The following OPCML variants were observed in gnomAD, a reference collection of about 807,000 sequenced individuals.
OPCML encodes opioid binding protein/cell adhesion molecule like.
In OPCML, 13 loss-of-function variants were observed where a neutral mutation model predicts 37.8. That is an observed-to-expected ratio of 0.34 (90% CI 0.22 to 0.55). OPCML has a LOEUF of 0.55. Among genes scored for constraint, OPCML ranks in the 20% least tolerant of loss-of-function variants. The pLI is 0.91. For synonymous variants in OPCML, 176 were observed against 168.8 expected (o/e 1.04, Z -0.33); for missense variants, 341 against 435.6 (o/e 0.78, Z 1.93).
At position 132,940,637 on chromosome 11, in the gene OPCML, G is replaced by A. The variant is rs1326782513; in HGVS notation, c.146+2289C>T. Reference sequence around the variant, plus strand: ...ACAAATCAGTTGTTTGTTAAGATGGGAACAGAACTCTTCACCAATACAGCA... The same window carrying A: ...ACAAATCAGTTGTTTGTTAAGATGGAAACAGAACTCTTCACCAATACAGCA... On this transcript the variant is annotated intron_variant, in intron 2 of 7. Coordinates refer to ENST00000524381, the MANE Select transcript of OPCML (RefSeq NM_001012393.5). Among the ~76,000 whole-genome samples the A allele has an allele frequency of 9.9e-4, 150 of 152,108 alleles. 3 individuals carry two copies. The highest frequency in any genetic ancestry group is 9.8e-3 in the Admixed American group (150 of 15,266).
intron 4 of OPCML, among the ~76,000 whole-genome samples, chr11:132,507,352 A>G (rs2096259393): frequency 1.3e-5 from 2 of 151,876 alleles, no homozygotes; most frequent in African/African-American, 4.8e-5. Flanking sequence ...CTGGATGTTT[A>G]TGTTTAATAT....
chr11:132,471,104 G>A (rs1387426025), intron 4 of OPCML, among the ~76,000 whole-genome samples: 1 of 152,164 alleles, frequency 6.6e-6, no homozygotes, highest in Non-Finnish European at 1.5e-5. Context: ...ATCAAAAAAT[G>A]ATCGATGAAT....
intron 1 of OPCML, among the ~76,000 whole-genome samples, chr11:133,203,696 T>C (rs186627012): frequency 3.4e-4 from 52 of 152,352 alleles, no homozygotes; most frequent in Admixed American, 1.9e-3. Flanking sequence ...TATACCTGTA[T>C]CTAGCTGTCA....
chr11:133,517,214 CTATTTT>C (rs1948299041), intron 1 of OPCML, among the ~76,000 whole-genome samples: 1 of 152,142 alleles, frequency 6.6e-6, no homozygotes, highest in Admixed American at 6.5e-5. Flanking sequence ...CTACTTTTAT[CTATTTT>C]TATCTTACTC....
intron 1 of OPCML, among the ~76,000 whole-genome samples, chr11:132,958,318 C>A (rs551937198): frequency 6.6e-6 from 1 of 152,182 alleles, no homozygotes. Context: ...GGTAAGGAAG[C>A]TGCAGAAGAA....
At chr11:132,472,062 T>C (rs1290507626) in intron 4 of OPCML, among the ~76,000 whole-genome samples, 2 of 152,186 alleles carry the variant, frequency 1.3e-5, no homozygotes, top group Non-Finnish European at 2.9e-5. Flanking sequence ...ATATTCCACA[T>C]TCAACACTCA....
At chr11:132,434,035 C>A (rs1330974600) in intron 7 of OPCML, among the ~76,000 whole-genome samples, 1 of 152,176 alleles carries the variant, frequency 6.6e-6, no homozygotes, top group Non-Finnish European at 1.5e-5. Flanking sequence ...CAGAGAGAGA[C>A]AAGAAGGGCC....
intron 1 of OPCML, among the ~76,000 whole-genome samples, chr11:133,473,979 T>A (rs1422417218): frequency 6.6e-6 from 1 of 152,218 alleles, no homozygotes; most frequent in Non-Finnish European, 1.5e-5. Flanking sequence ...TGGGCTGAGC[T>A]AAAAAGGGTT....
intron 1 of OPCML, among the ~76,000 whole-genome samples, chr11:133,030,449 C>T (rs1947645681): frequency 6.6e-6 from 1 of 152,166 alleles, no homozygotes; most frequent in South Asian, 2.1e-4. Context: ...TCCTGAACCA[C>T]ATATTCAAAG....
At chr11:132,977,395 C>T (rs561341147) in intron 1 of OPCML, among the ~76,000 whole-genome samples, 20 of 152,120 alleles carry the variant, frequency 1.3e-4, no homozygotes, top group African/African-American at 4.6e-4. Context: ...TAAATAATAT[C>T]CCAAAATACC....
intron 1 of OPCML, among the ~76,000 whole-genome samples, chr11:133,357,292 C>G (rs1480621032): frequency 6.6e-6 from 1 of 152,124 alleles, no homozygotes; most frequent in Admixed American, 6.5e-5. Flanking sequence ...TAGTAGCTGC[C>G]CAACTCTGGG....
intron 1 of OPCML, among the ~76,000 whole-genome samples, chr11:133,159,921 C>T (rs752917582): frequency 2.1e-4 from 32 of 152,306 alleles, no homozygotes; most frequent in Admixed American, 7.2e-4. Context: ...TGGTTTCAGC[C>T]TTGTCTTAGG....
chr11:133,334,239 C>T (rs1943691638), intron 1 of OPCML, among the ~76,000 whole-genome samples: 1 of 152,100 alleles, frequency 6.6e-6, no homozygotes, highest in Non-Finnish European at 1.5e-5. Context: ...GTGGAATCAA[C>T]CTAAATGCCC....
At chr11:132,894,609 G>C (rs1478086084) in intron 2 of OPCML, among the ~76,000 whole-genome samples, 1 of 152,222 alleles carries the variant, frequency 6.6e-6, no homozygotes, top group African/African-American at 2.4e-5. Context: ...TTCCAGAGGA[G>C]ATTGGCATGT....
intron 1 of OPCML, among the ~76,000 whole-genome samples, chr11:133,348,993 G>A (rs995517755): frequency 6.6e-6 from 1 of 152,152 alleles, no homozygotes; most frequent in African/African-American, 2.4e-5. Flanking sequence ...GTGTCATAGG[G>A]GTGCGGGGGC....
At chr11:132,942,834 G>C (rs1191533315) in intron 2 of OPCML, 92 bp downstream of exon 2, 1 of 1,521,434 alleles carries the variant, frequency 6.6e-7, no homozygotes, top group Non-Finnish European at 9.0e-7. Flanking sequence ...CTCGCGTTCC[G>C]GTCCCCCATG....
At chr11:133,008,186 A>T (rs1210315891) in intron 1 of OPCML, 20 of 985,344 alleles carry the variant, frequency 2.0e-5, no homozygotes, top group African/African-American at 3.5e-5. Context: ...CCCTTGGGTC[A>T]TTCCATTGGC....
intron 4 of OPCML, among the ~76,000 whole-genome samples, chr11:132,505,988 A>G (rs915061004): frequency 1.3e-5 from 2 of 151,638 alleles, no homozygotes; most frequent in South Asian, 4.1e-4. Context: ...AGAATTTTCA[A>G]CCTCACAGAT....
intron 2 of OPCML, among the ~76,000 whole-genome samples, chr11:132,843,636 A>G (rs1290279616): frequency 5.3e-5 from 8 of 151,992 alleles, no homozygotes; most frequent in Admixed American, 5.2e-4. Flanking sequence ...ATCAATTGAT[A>G]TCTGTTGAAG....
Sources: gnomAD v4.1 joint callset for allele counts (sites outside exome capture counted in the v4.1 genomes callset) on GRCh38, gnomAD v4.1.1 for gene constraint, MANE v1.5 for transcripts, NCBI Gene and HGNC (gene_info 2026-07-23, HGNC 2026-07-21) for gene names.